Variants in PITPNC1 observed in about 807,000 individuals in gnomAD.
PITPNC1 encodes the protein cytoplasmic phosphatidylinositol transfer protein 1.
A neutral mutation model predicts 44.7 loss-of-function variants in PITPNC1; 18 were observed. The observed-to-expected ratio is 0.40, with a 90% CI of 0.28 to 0.60. The LOEUF (loss-of-function observed/expected upper bound fraction) is 0.60. PITPNC1 is among the 20% of genes least tolerant of loss of function. The pLI is 0.39. For missense variants in PITPNC1, 290 were observed against 418.4 expected (o/e 0.69, Z 2.68); for synonymous variants, 141 against 149.6 (o/e 0.94, Z 0.42).
At chr17:67,601,347 T>C (rs1300734701) in intron 5 of PITPNC1, among the ~76,000 whole-genome samples, 2 of 152,260 alleles carry the variant, frequency 1.3e-5, no homozygotes, top group South Asian at 4.1e-4. Flanking sequence ...GGGCAAGGCA[T>C]AGAACACAAG....
At chr17:67,419,457 G>A (rs1350898082) in intron 1 of PITPNC1, among the ~76,000 whole-genome samples, 2 of 152,112 alleles carry the variant, frequency 1.3e-5, no homozygotes, top group Non-Finnish European at 2.9e-5. Flanking sequence ...AGTGTGGTGG[G>A]TTCAGTACCT....
chr17:67,688,105 G>A (rs1239068577), intron 8 of PITPNC1, among the ~76,000 whole-genome samples: 1 of 150,520 alleles, frequency 6.6e-6, no homozygotes, highest in East Asian at 2.0e-4. Context: ...TTGGGAGGCC[G>A]AGGCAGGTGG....
intron 1 of PITPNC1, among the ~76,000 whole-genome samples, chr17:67,454,458 CATATT>C (rs1480859906): frequency 6.6e-6 from 1 of 152,038 alleles, no homozygotes; most frequent in African/African-American, 2.4e-5. Flanking sequence ...TTTAGAATGA[CATATT>C]ATACTTTTTA....
chr17:67,517,869 G>A (rs955905776), intron 1 of PITPNC1, among the ~76,000 whole-genome samples: 12 of 152,136 alleles, frequency 7.9e-5, no homozygotes, highest in African/African-American at 2.4e-4. Flanking sequence ...AAAAGCCACC[G>A]AATTGCATAT....
chr17:67,470,591 C>T (rs999068210), intron 1 of PITPNC1, among the ~76,000 whole-genome samples: 10 of 152,116 alleles, frequency 6.6e-5, no homozygotes, highest in African/African-American at 2.4e-4. Flanking sequence ...GGGGTCAGCC[C>T]CCCTGCCCGG....
intron 6 of PITPNC1, among the ~76,000 whole-genome samples, chr17:67,647,475 T>TG (rs1567757576): frequency 1.6e-4 from 16 of 98,908 alleles, no homozygotes; most frequent in African/African-American, 2.4e-4. Flanking sequence ...TTTTTTTTTT[T>TG]TTTTTTTTTT....
rs918107508 is a variant in PITPNC1 at position 67,597,293 on chromosome 17, C to G, written c.366+19036C>G. Among the ~76,000 whole-genome samples the G allele has an allele frequency of 2.0e-5, 3 of 152,142 alleles. No homozygotes were observed. The highest frequency in any genetic ancestry group is 7.2e-5 in the African/African-American group (3 of 41,432). On this transcript the variant is annotated intron_variant, in intron 5 of 8. Transcript: ENST00000581322. The surrounding 1 kb of genome is among the most constrained non-coding windows in gnomAD (Gnocchi z 4.0). ...CTCAGGCTGAGCATGGTGGCTCACG[C>G]CTGTAATCCCCGCACTTTGGGAGGC... is the stretch of plus-strand genomic sequence containing the variant.
intron 4 of PITPNC1, among the ~76,000 whole-genome samples, chr17:67,576,717 G>A (rs1461143965): frequency 1.3e-5 from 2 of 152,140 alleles, no homozygotes; most frequent in East Asian, 1.9e-4. Context: ...TTGACTCAGC[G>A]AGACTGGGGC....
At chr17:67,598,407 T>A (rs549181229) in intron 5 of PITPNC1, among the ~76,000 whole-genome samples, 4 of 152,174 alleles carry the variant, frequency 2.6e-5, no homozygotes, top group Admixed American at 6.5e-5. Context: ...TTTTAAGTGG[T>A]TTAGGAGATG....
At chr17:67,555,283 G>A (rs1598815372) in intron 4 of PITPNC1, among the ~76,000 whole-genome samples, 1 of 152,162 alleles carries the variant, frequency 6.6e-6, no homozygotes, top group East Asian at 1.9e-4. Context: ...GGGTCATATT[G>A]TAAATGTTTT....
At chr17:67,416,017 T>C (rs1218542157) in intron 1 of PITPNC1, among the ~76,000 whole-genome samples, 1 of 152,070 alleles carries the variant, frequency 6.6e-6, no homozygotes, top group African/African-American at 2.4e-5. Context: ...ATTGTAAAAA[T>C]TGAAGGCATG....
At chr17:67,475,705 A>G (rs529195107) in intron 1 of PITPNC1, among the ~76,000 whole-genome samples, 15 of 152,278 alleles carry the variant, frequency 9.9e-5, no homozygotes, top group Admixed American at 7.9e-4. Context: ...GATTGGCAGG[A>G]TTAGGGAGGA....
rs1052485221 is a variant in PITPNC1, at chr17:67,545,272, G to A, written c.198-6985G>A. ...GGTTGCAGTGAGCTATGATGGCACC[G>A]CTGCACTCCAGCCTGGGTGACAAAG... On this transcript the variant is annotated intron_variant, in intron 2 of 8. Transcript: ENST00000581322. 2.6e-5 allele frequency among the ~76,000 whole-genome samples: 4 copies of A among 151,916 alleles called. No individual in the cohort carries two copies. The South Asian group carries it at 6.2e-4, about 24-fold the overall frequency.
chr17:67,558,821 A>G (rs1313410768), intron 4 of PITPNC1, among the ~76,000 whole-genome samples: 1 of 152,154 alleles, frequency 6.6e-6, no homozygotes, highest in African/African-American at 2.4e-5. Context: ...GCAACAGACC[A>G]GGGAGGATGA....
intron 1 of PITPNC1, among the ~76,000 whole-genome samples, chr17:67,441,344 G>A (rs987076467): frequency 2.0e-5 from 3 of 150,188 alleles, no homozygotes; most frequent in African/African-American, 7.4e-5. Context: ...CACACCTGAT[G>A]ATTCATCTGA....
chr17:67,486,291 G>A lies in PITPNC1; in HGVS notation c.49-46511G>A, dbSNP rs532324069. 7.9e-5 allele frequency among the ~76,000 whole-genome samples: 12 copies of A among 152,242 alleles called. No individual in the cohort carries two copies. In the South Asian group the frequency reaches 2.3e-3, roughly 29 times the overall value. On this transcript the variant is annotated intron_variant, in intron 1 of 8. Coordinates refer to ENST00000581322, the MANE Select transcript of PITPNC1 (RefSeq NM_012417.4). Reference sequence around the variant, plus strand: ...ATATAATGAACACTCAATATATATTGATGGTGGTGTTTTCATGAGTTGAAG... The same window carrying A: ...ATATAATGAACACTCAATATATATTAATGGTGGTGTTTTCATGAGTTGAAG...
chr17:67,514,150 A>C (rs1299343647), intron 1 of PITPNC1, among the ~76,000 whole-genome samples: 3 of 151,968 alleles, frequency 2.0e-5, no homozygotes, highest in Non-Finnish European at 4.4e-5. Flanking sequence ...ACTGTGGAAG[A>C]CCTCAAATAC....
intron 4 of PITPNC1, among the ~76,000 whole-genome samples, chr17:67,554,287 C>T (rs549853059): frequency 2.4e-5 from 3 of 125,352 alleles, no homozygotes; most frequent in East Asian, 4.6e-4. Flanking sequence ...GATGGAGTCT[C>T]GCTCCATCAC....
intron 5 of PITPNC1, among the ~76,000 whole-genome samples, chr17:67,596,808 G>A (rs1410509312): frequency 6.6e-6 from 1 of 152,144 alleles, no homozygotes; most frequent in African/African-American, 2.4e-5. Context: ...TAGAGGCCGA[G>A]TAAATTCTTA....
Sources: allele counts gnomAD v4.1 joint callset (sites outside exome capture counted in the v4.1 genomes callset), GRCh38; gene constraint gnomAD v4.1.1; non-coding constraint Gnocchi (gnomAD v3.1); transcripts MANE v1.5; gene names NCBI Gene and HGNC (gene_info 2026-07-23, HGNC 2026-07-21).